The following NCAPG2 variants were observed in gnomAD, a reference collection of about 807,000 sequenced individuals.
NCAPG2 encodes the protein non-SMC condensin II complex subunit G2, also known as condensin-2 complex subunit G2.
In NCAPG2, 53 loss-of-function variants were observed where a neutral mutation model predicts 141.1. That is an observed-to-expected ratio of 0.38 (90% CI 0.30 to 0.47). The LOEUF is 0.47. NCAPG2 is among the 20% of genes least tolerant of loss of function. The probability of loss-of-function intolerance (pLI) is 0.99; values close to 1 mark genes in which losing one functional copy is unlikely to be tolerated. For synonymous variants in NCAPG2, 499 were observed against 490.7 expected, an observed-to-expected ratio of 1.02 and a Z score of -0.22; for missense variants, 1,087 against 1,389.0, an observed-to-expected ratio of 0.78 and a Z score of 3.46.
chr7:158,671,503 AT>A lies in NCAPG2; in HGVS notation c.1479+10del. On this transcript the variant is annotated intron_variant, in intron 13 of 27. Transcript: ENST00000356309. ...TTCATGTCATAAGTAAAAAAGCCCT[AT>A]TCATCCTACCTTAGCAGCCCTCACA... is the stretch of plus-strand genomic sequence containing the variant. 6.2e-7 allele frequency: 1 copy of A among 1,614,072 alleles called. No individual in the cohort carries two copies. Among genetic ancestry groups the A allele is most frequent in the Non-Finnish European group, 8.5e-7 (1 of 1,179,986 alleles).
intron 23 of NCAPG2, among the ~76,000 whole-genome samples, chr7:158,651,683 G>A (rs1433277541): frequency 6.6e-6 from 1 of 152,182 alleles, no homozygotes; most frequent in Non-Finnish European, 1.5e-5. Flanking sequence ...TGGCAGACAG[G>A]TTTTTATATG....
intron 16 of NCAPG2, among the ~76,000 whole-genome samples, chr7:158,660,429 T>TTTTA (rs869116610): frequency 1.1e-5 from 1 of 91,362 alleles, no homozygotes; most frequent in East Asian, 2.4e-4. Context: ...TTTTTTTTTT[T>TTTTA]AAAAGAGGCA....
At chr7:158,636,465 G>A (rs572298078) in intron 27 of NCAPG2, among the ~76,000 whole-genome samples, 2 of 146,556 alleles carry the variant, frequency 1.4e-5, no homozygotes, top group Non-Finnish European at 1.5e-5. Flanking sequence ...GCAATGGCTC[G>A]ATCTGGGCTC....
At chr7:158,666,228 AC>A (rs1832924584) in intron 13 of NCAPG2, among the ~76,000 whole-genome samples, 1 of 152,198 alleles carries the variant, frequency 6.6e-6, no homozygotes, top group Non-Finnish European at 1.5e-5. Context: ...TGACCAGAGA[AC>A]AACTGTCCAC....
intron 16 of NCAPG2, among the ~76,000 whole-genome samples, chr7:158,660,794 T>C (rs1174187222): frequency 6.6e-6 from 1 of 152,128 alleles, no homozygotes; most frequent in East Asian, 1.9e-4. Context: ...GTAGCTCCCA[T>C]AATTCCCACG....
chr7:158,666,175 G>C (rs937297848), intron 13 of NCAPG2, among the ~76,000 whole-genome samples: 2 of 152,206 alleles, frequency 1.3e-5, no homozygotes, highest in Non-Finnish European at 2.9e-5. Context: ...TGCTGTCACG[G>C]TTTAAGAGGA....
intron 1 of NCAPG2, 110 bp from the exon 2 acceptor site, chr7:158,702,048 G>A: frequency 3.4e-6 from 2 of 594,978 alleles, no homozygotes; most frequent in Non-Finnish European, 2.8e-6. Context: ...AACCACGTAT[G>A]GCAGACAGTT....
chr7:158,690,584 C>A lies in NCAPG2; in HGVS notation c.521G>T (p.Ser174Ile). The A allele has an allele frequency of 6.2e-7, 1 of 1,614,080 alleles. No individual in the cohort carries two copies. Among genetic ancestry groups the A allele is most frequent in the Non-Finnish European group, 8.5e-7 (1 of 1,179,964 alleles). Residue 174 changes from serine (S) to isoleucine (I), a missense_variant, in exon 5 of 28, where the codon AGT (serine) becomes ATT (isoleucine). By Grantham distance (142) the Ser-to-Ile change is moderately radical. Transcript: ENST00000356309. ...KTAFVMLLRRSLETKTGADVC... is the reference protein window; with the variant it reads ...KTAFVMLLRRILETKTGADVC... ...TGAGCATACTGTCTTAGTCTCCAGA[C>A]TCCTCCTTAGTAACATGACAAAGGC...
chr7:158,660,673 C>T (rs369667201), intron 16 of NCAPG2, among the ~76,000 whole-genome samples: 1 of 152,240 alleles, frequency 6.6e-6, no homozygotes, highest in East Asian at 1.9e-4. Context: ...GCTTTGGCCT[C>T]GAAAAGTGCT....
At chr7:158,646,599 G>A (rs902504179) in intron 24 of NCAPG2, 36 bp from the exon 25 acceptor site, 1 of 1,402,794 alleles carries the variant, frequency 7.1e-7, no homozygotes, top group Admixed American at 2.4e-5. Context: ...TGTAAACAGA[G>A]ACTAGGCTAC....
chr7:158,696,811 A>G lies in NCAPG2; in HGVS notation c.79-3314T>C, dbSNP rs142598407. On this transcript the variant is annotated intron_variant, in intron 2 of 27. Coordinates refer to ENST00000356309, the MANE Select transcript of NCAPG2 (RefSeq NM_017760.7). ...GCCTTTCCCATTCCTTTTGTCTAGA[A>G]TCTTCTTTTCCCAAATCTCTGCATG... Among the ~76,000 whole-genome samples, 989 of 152,282 alleles carry G rather than the reference A, an allele frequency of 6.5e-3. 9 individuals are homozygous for G. The highest frequency in any genetic ancestry group is 0.022 in the African/African-American group (926 of 41,556).
intron 27 of NCAPG2, among the ~76,000 whole-genome samples, chr7:158,636,402 C>CTTTTTTTTT (rs59810481): frequency 7.4e-6 from 1 of 135,780 alleles, no homozygotes; most frequent in Non-Finnish European, 1.6e-5. Context: ...TTCTTTTTTT[C>CTTTTTTTTT]TTTTTTTTTT....
chr7:158,655,300 C>G, intron 20 of NCAPG2, 39 bp downstream of exon 20: 4 of 1,613,960 alleles, frequency 2.5e-6, no homozygotes, highest in Non-Finnish European at 3.4e-6. Flanking sequence ...AAAAAGAGCA[C>G]TGTGTATCAT....
At chr7:158,636,340 A>G (rs1202549051) in intron 27 of NCAPG2, among the ~76,000 whole-genome samples, 2 of 152,112 alleles carry the variant, frequency 1.3e-5, no homozygotes, top group African/African-American at 4.8e-5. Context: ...TTTCATCTTC[A>G]GAATAGTATA....
At chr7:158,654,764 G>A (rs999337523) in intron 21 of NCAPG2, 70 bp from the exon 22 acceptor site, 19 of 1,538,682 alleles carry the variant, frequency 1.2e-5, no homozygotes, top group Middle Eastern at 3.5e-4. Flanking sequence ...GCCTCACAAA[G>A]CTTCTCCTAT....
chr7:158,650,016 G>A (rs1054334870), intron 24 of NCAPG2, among the ~76,000 whole-genome samples: 1 of 152,194 alleles, frequency 6.6e-6, no homozygotes, highest in African/African-American at 2.4e-5. Context: ...AAGATAGTCA[G>A]TAATAATGAA....
rs183252461 is a variant in NCAPG2 at position 158,661,062 on chromosome 7, T to C, written c.1989+1132A>G. ...TCTTCATAAATTACCCAGTCTCAGGTATGTCTTTATCAGCAGCATGAAAAC... is the reference window on the plus strand; with the variant it reads ...TCTTCATAAATTACCCAGTCTCAGGCATGTCTTTATCAGCAGCATGAAAAC... On this transcript the variant is annotated intron_variant, in intron 16 of 27. Coordinates refer to ENST00000356309, the MANE Select transcript of NCAPG2 (RefSeq NM_017760.7). Among the ~76,000 whole-genome samples the C allele has an allele frequency of 2.2e-3, 334 of 152,266 alleles. 1 individual carries two copies. The highest frequency in any genetic ancestry group is 0.017 in the Middle Eastern group (5 of 294).
chr7:158,649,134 G>A (rs1563505723), intron 24 of NCAPG2, among the ~76,000 whole-genome samples: 1 of 152,228 alleles, frequency 6.6e-6, no homozygotes, highest in Admixed American at 6.5e-5. Context: ...TGAGGAGTCA[G>A]AGCCAGAGAG....
At position 158,656,369 on chromosome 7, in the gene NCAPG2, G is replaced by A. The variant is rs1430560620; in HGVS notation, c.2279C>T (p.Ala760Val). Residue 760 changes from alanine to valine, a missense_variant, in exon 19 of 28, where the codon GCA becomes GTA. Ala to Val is a moderately conservative substitution (Grantham distance 64). Transcript: ENST00000356309. ...HDTRPVKPELALVYIEYLLTH... is the reference protein window; with the variant it reads ...HDTRPVKPELVLVYIEYLLTH... Reference sequence around the variant, plus strand: ...CAGCAGATACTCAATGTAGACCAATGCCAATTCAGGTTTGACTGGGCGTGT... The same window carrying A: ...CAGCAGATACTCAATGTAGACCAATACCAATTCAGGTTTGACTGGGCGTGT... The A allele has an allele frequency of 6.2e-7, 1 of 1,614,018 alleles. No individual in the cohort carries two copies. The highest frequency in any genetic ancestry group is 1.7e-5 in the Admixed American group (1 of 60,000).
Sources: allele counts gnomAD v4.1 joint callset (sites outside exome capture counted in the v4.1 genomes callset), GRCh38; gene constraint gnomAD v4.1.1; transcripts MANE v1.5; gene names NCBI Gene and HGNC (gene_info 2026-07-23, HGNC 2026-07-21).